Variants in RGPD2 observed in about 807,000 individuals in gnomAD.
RGPD2 encodes the protein RANBP2 like and GRIP domain containing 2.
Under a neutral mutation model 36.0 loss-of-function variants are expected in RGPD2, and 2 were observed. The observed-to-expected ratio is 0.06, with a 90% CI of 0.02 to 0.17. The LOEUF (loss-of-function observed/expected upper bound fraction) is 0.17. RGPD2 is among the 10% of genes least tolerant of loss of function. RGPD2 has a pLI of 1.00. For synonymous variants in RGPD2, 19 were observed against 163.8 expected (o/e 0.12, Z 6.75); for missense variants, 40 against 464.3 (o/e 0.09, Z 8.40).
At chr2:87,877,439 C>T in the RGPD2 span, among the ~76,000 whole-genome samples, 2 of 152,250 alleles carry the variant, frequency 1.3e-5, no homozygotes, top group African/African-American at 4.8e-5. Flanking sequence ...TGAAAAGGAG[C>T]TTATTTCTCC....
At chr2:87,943,265 T>TG in the RGPD2 span, among the ~76,000 whole-genome samples, 422 of 116,892 alleles carry the variant, frequency 3.6e-3, 2 homozygotes, top group Non-Finnish European at 5.9e-3. Flanking sequence ...CCAGCCTTTG[T>TG]GGTTTTTTTG....
At chr2:87,960,269 A>G in the RGPD2 span, among the ~76,000 whole-genome samples, 7 of 142,122 alleles carry the variant, frequency 4.9e-5, no homozygotes, top group African/African-American at 1.8e-4. Flanking sequence ...ATACAGATGT[A>G]CCGTATGAAC....
At chr2:87,969,855 AAG>A in the RGPD2 span, among the ~76,000 whole-genome samples, 6 of 139,222 alleles carry the variant, frequency 4.3e-5, no homozygotes, top group African/African-American at 1.7e-4. Flanking sequence ...GTACGAAAGA[AAG>A]TAACAATTTT....
At chr2:87,866,651 C>T in the RGPD2 span, among the ~76,000 whole-genome samples, 3 of 152,258 alleles carry the variant, frequency 2.0e-5, no homozygotes, top group Non-Finnish European at 4.4e-5. Flanking sequence ...CCCTTCTCAC[C>T]CCCCTTCCCT....
the RGPD2 span, among the ~76,000 whole-genome samples, chr2:87,842,473 C>G: frequency 2.0e-5 from 3 of 149,120 alleles, no homozygotes; most frequent in Non-Finnish European, 1.5e-5. Flanking sequence ...GCTTCAAAGG[C>G]AATAAAATAC....
the RGPD2 span, chr2:87,985,846 A>C: frequency 6.2e-7 from 1 of 1,610,864 alleles, no homozygotes; most frequent in Admixed American, 1.7e-5. Flanking sequence ...ACATTGTACC[A>C]CTTGACAAGC....
At chr2:87,878,261 T>C in the RGPD2 span, among the ~76,000 whole-genome samples, 2 of 149,266 alleles carry the variant, frequency 1.3e-5, no homozygotes, top group African/African-American at 5.0e-5. Flanking sequence ...CTGCCTCTGT[T>C]ATTTCAGCAA....
the RGPD2 span, among the ~76,000 whole-genome samples, chr2:87,885,104 G>T: frequency 6.6e-6 from 1 of 151,946 alleles, no homozygotes; most frequent in Non-Finnish European, 1.5e-5. Context: ...TTATCATGGG[G>T]TTATGAGGAT....
the RGPD2 span, among the ~76,000 whole-genome samples, chr2:87,915,083 G>T: frequency 6.6e-6 from 1 of 151,650 alleles, no homozygotes; most frequent in East Asian, 1.9e-4. Context: ...GGAGGTGGAG[G>T]TTGCAGTGAG....
the RGPD2 span, among the ~76,000 whole-genome samples, chr2:87,977,708 A>G: frequency 6.6e-6 from 1 of 151,910 alleles, no homozygotes; most frequent in African/African-American, 2.4e-5. Context: ...TCTCATTCTC[A>G]TAAACAGTAA....
the RGPD2 span, among the ~76,000 whole-genome samples, chr2:87,857,634 C>T: frequency 3.3e-5 from 5 of 151,412 alleles, no homozygotes; most frequent in Admixed American, 6.6e-5. Context: ...CCAAAATATT[C>T]GTATACTTAA....
chr2:87,824,144 T>G (rs1373761912), intron 1 of RGPD2, among the ~76,000 whole-genome samples: 7 of 148,004 alleles, frequency 4.7e-5, no homozygotes, highest in Non-Finnish European at 8.9e-5. Context: ...TGTCTCAGCC[T>G]ACCGAGTAGG....
At chr2:87,976,510 T>TGTG in the RGPD2 span, among the ~76,000 whole-genome samples, 1 of 151,618 alleles carries the variant, frequency 6.6e-6, no homozygotes, top group Non-Finnish European at 1.5e-5. Context: ...ATTACTTTGC[T>TGTG]GTGCAAACTT....
At chr2:87,885,070 G>A in the RGPD2 span, among the ~76,000 whole-genome samples, 1 of 151,990 alleles carries the variant, frequency 6.6e-6, no homozygotes, top group Admixed American at 6.6e-5. Flanking sequence ...AACTTAGGGT[G>A]GTTCAATTTA....
chr2:87,952,662 T>A, the RGPD2 span, among the ~76,000 whole-genome samples: 1 of 151,908 alleles, frequency 6.6e-6, no homozygotes, highest in Admixed American at 6.6e-5. Flanking sequence ...ATGAAGTAGA[T>A]AAAACAAGGC....
the RGPD2 span, chr2:87,972,757 G>T: frequency 6.2e-7 from 1 of 1,611,434 alleles, no homozygotes; most frequent in African/African-American, 1.3e-5. Context: ...TGAACAACCA[G>T]CCCTACCTCT....
At chr2:87,763,288 G>T (rs1369348894) in intron 22 of RGPD2, among the ~76,000 whole-genome samples, 1 of 149,098 alleles carries the variant, frequency 6.7e-6, no homozygotes, top group Non-Finnish European at 1.5e-5. Flanking sequence ...CTCCCTAGTA[G>T]CTGGGACTAC....
At chr2:87,986,573 G>A in the RGPD2 span, among the ~76,000 whole-genome samples, 253 of 151,822 alleles carry the variant, frequency 1.7e-3, 2 homozygotes, top group African/African-American at 5.7e-3. Flanking sequence ...GTTCTAGCTC[G>A]GGTGACAAAT....
chr2:87,915,494 C>CGTATATATACATATATACAATTTTT, the RGPD2 span, among the ~76,000 whole-genome samples: 3 of 106,580 alleles, frequency 2.8e-5, no homozygotes, highest in Middle Eastern at 6.2e-3. Flanking sequence ...TGTGTATATA[C>CGTATATATACATATATACAATTTTT]GTATATATAC....
Sources: allele counts gnomAD v4.1 joint callset (sites outside exome capture counted in the v4.1 genomes callset), GRCh38; gene constraint gnomAD v4.1.1; transcripts MANE v1.5; gene names NCBI Gene and HGNC (gene_info 2026-07-23, HGNC 2026-07-21).